FARS2: variants seen among roughly 807,000 people sequenced by gnomAD.
The protein encoded by FARS2 is phenylalanyl-tRNA synthetase 2, mitochondrial.
Under a neutral mutation model 46.4 loss-of-function variants are expected in FARS2, and 40 were observed. The ratio of observed to expected loss-of-function variants is 0.86; its 90% CI spans 0.67 to 1.12. The LOEUF (loss-of-function observed/expected upper bound fraction) is 1.12, where lower values mean the gene tolerates loss of function less well. Ranked by LOEUF, FARS2 falls within the 50% of genes most tolerant of loss-of-function variation. FARS2 has a pLI of 0.00. For missense variants in FARS2, 513 were observed against 567.9 expected (o/e 0.90, Z 0.98); for synonymous variants, 234 against 214.9 (o/e 1.09, Z -0.78).
chr6:5,361,553 C>G (rs1758304023), intron 1 of FARS2, among the ~76,000 whole-genome samples: 1 of 152,158 alleles, frequency 6.6e-6, no homozygotes, highest in African/African-American at 2.4e-5. Context: ...TGCTTATAGC[C>G]CTTCTCTTTT....
At chr6:5,455,350 T>C (rs1190904815) in intron 4 of FARS2, among the ~76,000 whole-genome samples, 1 of 152,158 alleles carries the variant, frequency 6.6e-6, no homozygotes, top group Non-Finnish European at 1.5e-5. Context: ...CTTGGGTATG[T>C]GTTAGTCTCC....
intron 4 of FARS2, among the ~76,000 whole-genome samples, chr6:5,541,627 A>G (rs769268500): frequency 1.3e-5 from 2 of 152,054 alleles, no homozygotes; most frequent in Non-Finnish European, 2.9e-5. Context: ...AGTTATTTTT[A>G]TTACTAGGTC....
At chr6:5,507,386 TA>T (rs11310332) in intron 4 of FARS2, among the ~76,000 whole-genome samples, 84,170 of 150,702 alleles carry the variant, frequency 0.56, 23,547 homozygotes, top group African/African-American at 0.58. Flanking sequence ...GGAAGCTCTT[TA>T]AAAAAAAAAA....
chr6:5,652,510 G>A lies in FARS2; in HGVS notation c.1217+39190G>A, dbSNP rs148574864. On this transcript the variant is annotated intron_variant, in intron 6 of 6. Coordinates refer to ENST00000274680, the MANE Select transcript of FARS2 (RefSeq NM_006567.5). ...TTTTCTCTTTCCTTTTTCTTTCAAA[G>A]GACAAGTTCCCATCCCAGGCAGAAA... 3.5e-3 allele frequency among the ~76,000 whole-genome samples: 531 copies of A among 152,298 alleles called. 3 individuals are homozygous for A. The highest frequency in any genetic ancestry group is 0.012 in the African/African-American group (481 of 41,546).
chr6:5,292,499 C>G (rs958203378), intron 1 of FARS2, among the ~76,000 whole-genome samples: 2 of 152,016 alleles, frequency 1.3e-5, no homozygotes, highest in African/African-American at 4.8e-5. Flanking sequence ...CAGGCCTGGC[C>G]CCTGACTGGA....
chr6:5,635,781 G>A (rs1776518746), intron 6 of FARS2, among the ~76,000 whole-genome samples: 1 of 152,154 alleles, frequency 6.6e-6, no homozygotes, highest in African/African-American at 2.4e-5. Context: ...GAGTCTACAT[G>A]GCAAAGGGAG....
chr6:5,576,076 A>G, intron 5 of FARS2, among the ~76,000 whole-genome samples: 1 of 152,184 alleles, frequency 6.6e-6, no homozygotes, highest in East Asian at 1.9e-4. Flanking sequence ...GTGGTACTTT[A>G]AAACGATTGA....
At chr6:5,610,614 G>T (rs535002890) in intron 5 of FARS2, among the ~76,000 whole-genome samples, 1 of 152,230 alleles carries the variant, frequency 6.6e-6, no homozygotes, top group East Asian at 1.9e-4. Flanking sequence ...AGCTGTGGGG[G>T]CCCTGGAATC....
intron 4 of FARS2, among the ~76,000 whole-genome samples, chr6:5,492,391 A>T (rs528982738): frequency 6.4e-4 from 98 of 152,376 alleles, no homozygotes; most frequent in African/African-American, 2.3e-3. Flanking sequence ...CGACTTTTCT[A>T]GCTCAAGAGA....
At chr6:5,319,632 TTAA>T (rs1769822730) in intron 1 of FARS2, among the ~76,000 whole-genome samples, 2 of 152,240 alleles carry the variant, frequency 1.3e-5, no homozygotes, top group African/African-American at 4.8e-5. Flanking sequence ...GCTCTGAAAC[TTAA>T]TAAACTCTCA....
intron 1 of FARS2, among the ~76,000 whole-genome samples, chr6:5,366,212 T>A (rs1758666090): frequency 6.6e-6 from 1 of 152,202 alleles, no homozygotes; most frequent in Admixed American, 6.5e-5. Context: ...TTTTTGAGCT[T>A]TATATTCTTT....
At chr6:5,289,016 C>T (rs996875898) in intron 1 of FARS2, among the ~76,000 whole-genome samples, 1 of 152,186 alleles carries the variant, frequency 6.6e-6, no homozygotes, top group Non-Finnish European at 1.5e-5. Context: ...CCTACATTTA[C>T]TACACTTTCT....
intron 6 of FARS2, among the ~76,000 whole-genome samples, chr6:5,735,181 T>C (rs1205701610): frequency 6.6e-6 from 1 of 152,276 alleles, no homozygotes; most frequent in Non-Finnish European, 1.5e-5. Context: ...TATACATTTA[T>C]TATAGAATTA....
intron 2 of FARS2, among the ~76,000 whole-genome samples, chr6:5,376,086 T>C (rs1759358436): frequency 6.6e-6 from 1 of 152,164 alleles, no homozygotes. Context: ...CCTACTGGAT[T>C]CTTTTTTTCA....
At chr6:5,347,896 A>G (rs139670828) in intron 1 of FARS2, among the ~76,000 whole-genome samples, 1 of 152,344 alleles carries the variant, frequency 6.6e-6, no homozygotes, top group African/African-American at 2.4e-5. Flanking sequence ...TAATAGTGGT[A>G]TTCCACTGGC....
At chr6:5,568,605 T>G (rs4960102) in intron 5 of FARS2, among the ~76,000 whole-genome samples, 122,013 of 152,054 alleles carry the variant, frequency 0.8, 49,006 homozygotes, top group South Asian at 0.88. Flanking sequence ...CCTGGAGGCG[T>G]GAGACAGCCA....
At chr6:5,675,986 A>T (rs1272871688) in intron 6 of FARS2, among the ~76,000 whole-genome samples, 1 of 152,170 alleles carries the variant, frequency 6.6e-6, no homozygotes, top group Non-Finnish European at 1.5e-5. Flanking sequence ...CCTGAGGGAA[A>T]TTTCACTTTT....
chr6:5,702,889 T>A (rs1228499578), intron 6 of FARS2, among the ~76,000 whole-genome samples: 1 of 152,164 alleles, frequency 6.6e-6, no homozygotes, highest in African/African-American at 2.4e-5. Flanking sequence ...ATCTTTCCTG[T>A]ACCCCCTGGG....
At chr6:5,345,487 C>T (rs1757171551) in intron 1 of FARS2, among the ~76,000 whole-genome samples, 1 of 152,194 alleles carries the variant, frequency 6.6e-6, no homozygotes, top group African/African-American at 2.4e-5. Flanking sequence ...TTGATTACAG[C>T]AAAAGTTCAG....
Sources: gnomAD v4.1 joint callset for allele counts (sites outside exome capture counted in the v4.1 genomes callset) on GRCh38, gnomAD v4.1.1 for gene constraint, MANE v1.5 for transcripts, NCBI Gene and HGNC (gene_info 2026-07-23, HGNC 2026-07-21) for gene names.